The following PRKAG2 variants were observed in gnomAD, a reference collection of about 807,000 sequenced individuals.
PRKAG2 encodes protein kinase AMP-activated non-catalytic subunit gamma 2, also known as 5'-AMP-activated protein kinase subunit gamma-2.
A neutral mutation model predicts 69.6 loss-of-function variants in PRKAG2; 26 were observed. The ratio of observed to expected loss-of-function variants is 0.37; its 90% CI spans 0.27 to 0.52. PRKAG2 has a LOEUF of 0.52. Ranked by LOEUF, PRKAG2 falls within the 20% of genes least tolerant of loss-of-function variation. PRKAG2 has a pLI of 0.90. For missense variants in PRKAG2, 557 were observed against 740.0 expected (o/e 0.75, Z 2.87); for synonymous variants, 293 against 285.0 (o/e 1.03, Z -0.28).
rs1243050458 is a variant in PRKAG2 at position 151,631,490 on chromosome 7, G to T, written c.754+579C>A. The T allele has an allele frequency of 2.6e-5, 7 of 265,898 alleles. No homozygotes were observed. The Admixed American group carries it at 2.9e-4, about 11-fold the overall frequency. 16.5% of individuals were successfully genotyped at this position (265,898 alleles called of 1,614,324 possible). On this transcript the variant is annotated intron_variant, in intron 5 of 15. Coordinates refer to ENST00000287878, the MANE Select transcript of PRKAG2 (RefSeq NM_016203.4). ...ATTTACCTGTAAGATACAAGAAGAA[G>T]ACAGGAGAGGGAAAAAAAACAACCA...
Position 151,841,231 on chromosome 7 carries a change from T to C in PRKAG2, c.114+35276A>G, listed in dbSNP as rs1322496528. On this transcript the variant is annotated intron_variant, in intron 1 of 15. Coordinates refer to ENST00000287878, the MANE Select transcript of PRKAG2 (RefSeq NM_016203.4). Reference sequence around the variant, plus strand: ...TCGGACTGCTGGGCTTAAGTGATCCTCCCATCTCAGCCTCCCAAAGTTCTG... The same window carrying C: ...TCGGACTGCTGGGCTTAAGTGATCCCCCCATCTCAGCCTCCCAAAGTTCTG... 2.0e-5 allele frequency among the ~76,000 whole-genome samples: 3 copies of C among 152,198 alleles called. No homozygotes were observed. The East Asian group carries it at 5.8e-4, about 29-fold the overall frequency.
intron 1 of PRKAG2, among the ~76,000 whole-genome samples, chr7:151,818,545 A>G (rs765494929): frequency 2.0e-5 from 3 of 152,248 alleles, no homozygotes; most frequent in Non-Finnish European, 4.4e-5. Flanking sequence ...CAGAGGGAGT[A>G]TCTGCAAAAG....
chr7:151,873,782 G>A (rs2080275051), intron 1 of PRKAG2, among the ~76,000 whole-genome samples: 1 of 152,118 alleles, frequency 6.6e-6, no homozygotes, highest in African/African-American at 2.4e-5. Context: ...TTCTGGTTCT[G>A]GATTTTGTCT....
At chr7:151,677,192 C>CT (rs111831284) in intron 3 of PRKAG2, among the ~76,000 whole-genome samples, 2,089 of 149,484 alleles carry the variant, frequency 0.014, 30 homozygotes, top group African/African-American at 0.032. Context: ...ATCTCTTTTT[C>CT]TTTTTTTTTT....
chr7:151,678,280 C>T (rs1037319318), intron 3 of PRKAG2, among the ~76,000 whole-genome samples: 1 of 152,180 alleles, frequency 6.6e-6, no homozygotes, highest in Non-Finnish European at 1.5e-5. Flanking sequence ...GTCTTGGGGA[C>T]GGGGGTCCTG....
At chr7:151,603,046 C>G (rs1167915063) in intron 5 of PRKAG2, among the ~76,000 whole-genome samples, 1 of 152,176 alleles carries the variant, frequency 6.6e-6, no homozygotes, top group Non-Finnish European at 1.5e-5. Context: ...CGGTTTTTCT[C>G]AGTCTTTGGG....
intron 5 of PRKAG2, among the ~76,000 whole-genome samples, chr7:151,628,877 G>A (rs1422369095): frequency 6.6e-6 from 1 of 152,176 alleles, no homozygotes; most frequent in Admixed American, 6.5e-5. Flanking sequence ...AGAGAAAGGT[G>A]AATGCCAGAG....
chr7:151,760,961 G>A (rs1317670822), intron 3 of PRKAG2, among the ~76,000 whole-genome samples: 2 of 152,192 alleles, frequency 1.3e-5, no homozygotes, highest in East Asian at 1.9e-4. Context: ...ACTGAAAGGA[G>A]GCTAAGCCAC....
intron 3 of PRKAG2, among the ~76,000 whole-genome samples, chr7:151,698,999 C>T (rs906831691): frequency 6.6e-6 from 1 of 152,176 alleles, no homozygotes; most frequent in Non-Finnish European, 1.5e-5. Context: ...CTTCTCGCTA[C>T]AGTGTAAATG....
At chr7:151,562,357 A>G (rs1027130941) in intron 14 of PRKAG2, among the ~76,000 whole-genome samples, 1 of 151,492 alleles carries the variant, frequency 6.6e-6, no homozygotes, top group African/African-American at 2.4e-5. Context: ...TACCCCTGAT[A>G]GAAAACAGGG....
intron 3 of PRKAG2, among the ~76,000 whole-genome samples, chr7:151,684,111 G>T (rs139145764): frequency 1.1e-4 from 16 of 152,348 alleles, no homozygotes; most frequent in Admixed American, 2.0e-4. Flanking sequence ...GGGCAGTGCA[G>T]GCAACTGCAG....
chr7:151,683,539 C>T (rs897312187), intron 3 of PRKAG2, among the ~76,000 whole-genome samples: 5 of 152,218 alleles, frequency 3.3e-5, no homozygotes, highest in African/African-American at 1.2e-4. Flanking sequence ...GTAATGTATT[C>T]TGCTGACTGT....
At chr7:151,646,378 A>G (rs1325363681) in intron 4 of PRKAG2, among the ~76,000 whole-genome samples, 2 of 152,184 alleles carry the variant, frequency 1.3e-5, no homozygotes, top group African/African-American at 4.8e-5. Flanking sequence ...AGTTTTCACC[A>G]TGGAGGTCTT....
chr7:151,832,672 G>C (rs2079065798), intron 1 of PRKAG2, among the ~76,000 whole-genome samples: 1 of 151,662 alleles, frequency 6.6e-6, no homozygotes, highest in African/African-American at 2.4e-5. Context: ...AGGAACGCAG[G>C]ATCCATGTCC....
intron 3 of PRKAG2, among the ~76,000 whole-genome samples, chr7:151,755,378 G>A (rs1005462571): frequency 7.2e-5 from 11 of 152,138 alleles, no homozygotes; most frequent in Non-Finnish European, 1.3e-4. Context: ...GGGCCTAGGG[G>A]ACATGAGCCT....
At position 151,683,815 on chromosome 7, in the gene PRKAG2, C is replaced by T. The variant is rs777145735; in HGVS notation, c.467-8178G>A. Among the ~76,000 whole-genome samples, 20 of 152,220 alleles carry T rather than the reference C, an allele frequency of 1.3e-4. No homozygotes were observed. The South Asian group carries it at 1.9e-3, about 14-fold the overall frequency. ...CAGAGGGATGCAACCAGCAGGCAGGCGGAGACCCTGGGCGGCGCGAGACCC... is the reference window on the plus strand; with the variant it reads ...CAGAGGGATGCAACCAGCAGGCAGGTGGAGACCCTGGGCGGCGCGAGACCC... On this transcript the variant is annotated intron_variant, in intron 3 of 15. Coordinates refer to ENST00000287878, the MANE Select transcript of PRKAG2 (RefSeq NM_016203.4).
chr7:151,714,214 A>G (rs1338114853), intron 3 of PRKAG2, among the ~76,000 whole-genome samples: 1 of 152,206 alleles, frequency 6.6e-6, no homozygotes, highest in East Asian at 1.9e-4. Flanking sequence ...GTCAGCGCTC[A>G]TTAAACATCC....
In PRKAG2 at chr7:151,638,116, G is replaced by A. The variant is rs941257577; in HGVS notation, c.685-5978C>T. Among the ~76,000 whole-genome samples the A allele has an allele frequency of 6.6e-6, 1 of 152,154 alleles. No homozygotes were observed. The highest frequency in any genetic ancestry group is 1.5e-5 in the Non-Finnish European group (1 of 68,018). On this transcript the variant is annotated intron_variant, in intron 4 of 15. Transcript: ENST00000287878. The surrounding 1 kb of genome is among the most constrained non-coding windows in gnomAD (Gnocchi z 4.3). ...TGATAATCCAGACCGATCTCCCCAG[G>A]GAGAACAAAATGGGCCAACCATGGC...
At chr7:151,680,637 G>A (rs1177362219) in intron 3 of PRKAG2, among the ~76,000 whole-genome samples, 2 of 152,222 alleles carry the variant, frequency 1.3e-5, no homozygotes, top group Non-Finnish European at 2.9e-5. Flanking sequence ...TCTATCATGA[G>A]AATGGATTAT....
Sources: gnomAD v4.1 joint callset for allele counts (sites outside exome capture counted in the v4.1 genomes callset) on GRCh38, gnomAD v4.1.1 for gene constraint, Gnocchi (gnomAD v3.1) non-coding constraint, MANE v1.5 for transcripts, NCBI Gene and HGNC (gene_info 2026-07-23, HGNC 2026-07-21) for gene names.